Variants in GPR158 observed in about 807,000 individuals in gnomAD.
GPR158 encodes G protein-coupled receptor 158, also known as metabotropic glycine receptor.
Under a neutral mutation model 78.2 loss-of-function variants are expected in GPR158, and 30 were observed. The ratio of observed to expected loss-of-function variants is 0.38; its 90% CI spans 0.29 to 0.52. The LOEUF is 0.52. GPR158 is among the 20% of genes least tolerant of loss of function. The probability of loss-of-function intolerance (pLI) is 0.83; values close to 1 mark genes in which losing one functional copy is unlikely to be tolerated. For synonymous variants in GPR158, 581 were observed against 591.1 expected, an observed-to-expected ratio of 0.98 and a Z score of 0.25; for missense variants, 1,463 against 1,523.5, an observed-to-expected ratio of 0.96 and a Z score of 0.66.
chr10:25,210,460 C>A (rs1005002854), intron 1 of GPR158, among the ~76,000 whole-genome samples: 1 of 152,152 alleles, frequency 6.6e-6, no homozygotes, highest in Non-Finnish European at 1.5e-5. Context: ...TTCTAGACAG[C>A]GTGCATCAGT....
chr10:25,574,520 T>C (rs1564494437), intron 7 of GPR158, among the ~76,000 whole-genome samples: 1 of 152,202 alleles, frequency 6.6e-6, no homozygotes. Context: ...GAACCTTTTA[T>C]AAAGGACAAG....
At chr10:25,342,379 C>T (rs1488569421) in intron 2 of GPR158, among the ~76,000 whole-genome samples, 1 of 151,832 alleles carries the variant, frequency 6.6e-6, no homozygotes, top group African/African-American at 2.4e-5. Context: ...TGTCTTCTTA[C>T]CTTGGATCCT....
chr10:25,361,032 A>G (rs931484998), intron 2 of GPR158, among the ~76,000 whole-genome samples: 15 of 151,898 alleles, frequency 9.9e-5, no homozygotes, highest in African/African-American at 3.1e-4. Context: ...GATCTTCAGA[A>G]CATTTTCATC....
At chr10:25,313,464 G>T (rs1854797297) in intron 2 of GPR158, among the ~76,000 whole-genome samples, 1 of 151,208 alleles carries the variant, frequency 6.6e-6, no homozygotes, top group African/African-American at 2.4e-5. Context: ...TTGAAATATT[G>T]TTGTTGAGAA....
chr10:25,185,098 A>G (rs1189966928), intron 1 of GPR158, among the ~76,000 whole-genome samples: 1 of 152,202 alleles, frequency 6.6e-6, no homozygotes, highest in Admixed American at 6.5e-5. Context: ...AGACATTGCC[A>G]AATATCCCCT....
intron 5 of GPR158, among the ~76,000 whole-genome samples, chr10:25,538,611 T>C (rs1451525201): frequency 1.3e-5 from 2 of 152,214 alleles, no homozygotes; most frequent in Non-Finnish European, 2.9e-5. Context: ...TTCTGCCTCA[T>C]GTGATCTTCC....
At chr10:25,401,111 G>A (rs1293525109) in intron 3 of GPR158, among the ~76,000 whole-genome samples, 1 of 152,116 alleles carries the variant, frequency 6.6e-6, no homozygotes, top group Non-Finnish European at 1.5e-5. Flanking sequence ...TTCCTACTCT[G>A]TTTCATGGCT....
intron 5 of GPR158, among the ~76,000 whole-genome samples, chr10:25,514,263 C>T (rs1836130240): frequency 2.0e-5 from 3 of 152,072 alleles, no homozygotes; most frequent in Non-Finnish European, 2.9e-5. Flanking sequence ...TAATGTCCCT[C>T]TGTCTTTTTT....
intron 7 of GPR158, among the ~76,000 whole-genome samples, chr10:25,584,618 C>T (rs186026063): frequency 8.5e-5 from 13 of 152,294 alleles, no homozygotes; most frequent in Admixed American, 7.2e-4. Flanking sequence ...AATGCAGCTA[C>T]GTGTGAATCC....
chr10:25,221,034 A>G lies in GPR158; in HGVS notation c.903-18A>G, dbSNP rs763719617. 3.0e-5 allele frequency: 37 copies of G among 1,236,664 alleles called. No individual in the cohort carries two copies. Among genetic ancestry groups the G allele is most frequent in the Non-Finnish European group, 4.1e-5 (35 of 851,540 alleles). The allele number at this position is 1,236,664 out of a possible 1,614,324, so 76.6% of individuals were successfully genotyped here. A position where few individuals can be genotyped will look rare whatever the true frequency, so the allele number is the denominator to read the frequency against. ...ATGTCCAGATTAATTTGTTCTTTTTATCCTTTTCTATTTCTAGGGGTGTCA... is the reference window on the plus strand; with the variant it reads ...ATGTCCAGATTAATTTGTTCTTTTTGTCCTTTTCTATTTCTAGGGGTGTCA... On this transcript the variant is annotated intron_variant, in intron 1 of 10. Transcript: ENST00000376351.
chr10:25,471,113 C>G (rs1215524227), intron 5 of GPR158, among the ~76,000 whole-genome samples: 1 of 136,950 alleles, frequency 7.3e-6, no homozygotes, highest in Non-Finnish European at 1.6e-5. Context: ...TGCCCCTCCC[C>G]CCACCCCATG....
chr10:25,579,732 C>G (rs1460666689), intron 7 of GPR158, among the ~76,000 whole-genome samples: 1 of 152,206 alleles, frequency 6.6e-6, no homozygotes, highest in Non-Finnish European at 1.5e-5. Flanking sequence ...CCCAGGCAAG[C>G]GCTGAGCTGT....
chr10:25,245,443 T>G (rs1853676296), intron 2 of GPR158, among the ~76,000 whole-genome samples: 1 of 152,178 alleles, frequency 6.6e-6, no homozygotes, highest in Non-Finnish European at 1.5e-5. Flanking sequence ...AACTCCTGAA[T>G]AGTAACCTAG....
At chr10:25,483,502 A>G (rs1835687327) in intron 5 of GPR158, among the ~76,000 whole-genome samples, 1 of 152,058 alleles carries the variant, frequency 6.6e-6, no homozygotes, top group South Asian at 2.1e-4. Flanking sequence ...CTCTTTTTGC[A>G]TAGAATTGAT....
At chr10:25,356,515 G>C (rs1005481326) in intron 2 of GPR158, among the ~76,000 whole-genome samples, 1 of 152,044 alleles carries the variant, frequency 6.6e-6, no homozygotes, top group Non-Finnish European at 1.5e-5. Context: ...GGACCAGGTG[G>C]GAGATGATTG....
At chr10:25,362,692 C>T (rs573403897) in intron 2 of GPR158, among the ~76,000 whole-genome samples, 23 of 151,882 alleles carry the variant, frequency 1.5e-4, no homozygotes, top group Admixed American at 1.4e-3. Flanking sequence ...CTAACTATCT[C>T]AACTCTTTTT....
chr10:25,296,144 C>G (rs78355570), intron 2 of GPR158, among the ~76,000 whole-genome samples: 1 of 151,520 alleles, frequency 6.6e-6, no homozygotes, highest in Non-Finnish European at 1.5e-5. Flanking sequence ...ACACAAATAA[C>G]GTCAGAGACT....
chr10:25,200,868 G>GTTTTTTTTTTTTTTTTTTTTT (rs56696555), intron 1 of GPR158, among the ~76,000 whole-genome samples: 1 of 113,304 alleles, frequency 8.8e-6, no homozygotes, highest in Non-Finnish European at 1.9e-5. Flanking sequence ...TTTTTGTTTT[G>GTTTTTTTTTTTTTTTTTTTTT]TTTTTTTTTT....
At chr10:25,447,253 G>GAT (rs1835149636) in intron 4 of GPR158, among the ~76,000 whole-genome samples, 1 of 152,080 alleles carries the variant, frequency 6.6e-6, no homozygotes, top group African/African-American at 2.4e-5. Context: ...CATTTTACTG[G>GAT]ATATAGCATG....
Sources: allele counts gnomAD v4.1 joint callset (sites outside exome capture counted in the v4.1 genomes callset), GRCh38; gene constraint gnomAD v4.1.1; transcripts MANE v1.5; gene names NCBI Gene and HGNC (gene_info 2026-07-23, HGNC 2026-07-21).